FBLN2: variants seen among roughly 807,000 people sequenced by gnomAD.
FBLN2 encodes fibulin-2.
A neutral mutation model predicts 123.7 loss-of-function variants in FBLN2; 81 were observed. The observed-to-expected ratio is 0.65, with a 90% CI of 0.55 to 0.79. The LOEUF (loss-of-function observed/expected upper bound fraction) is 0.79. FBLN2 is among the 30% of genes least tolerant of loss of function. The pLI, the probability that FBLN2 is intolerant of heterozygous loss-of-function variation, is 0.00. For missense variants in FBLN2, 1,603 were observed against 1,681.3 expected, an observed-to-expected ratio of 0.95 and a Z score of 0.81; for synonymous variants, 699 against 701.4, an observed-to-expected ratio of 1.00 and a Z score of 0.05.
intron 2 of FBLN2, among the ~76,000 whole-genome samples, chr3:13,583,175 G>A (rs949121430): frequency 6.6e-6 from 1 of 152,262 alleles, no homozygotes; most frequent in African/African-American, 2.4e-5. Flanking sequence ...CTCCTCTACT[G>A]AGTCTGCATG....
chr3:13,616,542 G>A (rs996549122), intron 5 of FBLN2, among the ~76,000 whole-genome samples: 5 of 152,200 alleles, frequency 3.3e-5, no homozygotes, highest in South Asian at 2.1e-4. Context: ...TGGAGGCACC[G>A]GCTGGGACTG....
intron 2 of FBLN2, among the ~76,000 whole-genome samples, chr3:13,592,655 C>A (rs1415436055): frequency 2.0e-5 from 3 of 152,050 alleles, no homozygotes; most frequent in Non-Finnish European, 4.4e-5. Flanking sequence ...TTTTTATTTT[C>A]TTTTGGGAGT....
chr3:13,622,352 T>C (rs931867415), intron 9 of FBLN2, among the ~76,000 whole-genome samples: 2 of 152,204 alleles, frequency 1.3e-5, no homozygotes, highest in African/African-American at 4.8e-5. Flanking sequence ...AAGGAGGCTG[T>C]TGATCCTCTT....
At chr3:13,610,591 A>G in intron 4 of FBLN2, among the ~76,000 whole-genome samples, 1 of 152,104 alleles carries the variant, frequency 6.6e-6, no homozygotes, top group East Asian at 1.9e-4. Context: ...TTCGGCTTCA[A>G]GCAGTGTCTG....
In FBLN2 at chr3:13,576,390, A is replaced by G. The variant is rs566168237; in HGVS notation, c.1306+4729A>G. Among the ~76,000 whole-genome samples, 5 of 152,336 alleles carry G rather than the reference A, an allele frequency of 3.3e-5. No individual in the cohort carries two copies. In the South Asian group the frequency reaches 1.0e-3, roughly 32 times the overall value. On this transcript the variant is annotated intron_variant, in intron 2 of 17. Transcript: ENST00000404922. ...CATACTGGTTCATCTCTGCCTTCCC[A>G]GGGATGCCAGGACATGCTCAGAGCT...
intron 2 of FBLN2, among the ~76,000 whole-genome samples, chr3:13,581,361 C>T (rs1017442743): frequency 6.6e-6 from 1 of 152,010 alleles, no homozygotes; most frequent in Admixed American, 6.6e-5. Flanking sequence ...CTTTCCTGGA[C>T]GGAGGTGTTA....
At chr3:13,619,087 G>A in intron 7 of FBLN2, 70 bp downstream of exon 7, 2 of 1,167,504 alleles carry the variant, frequency 1.7e-6, no homozygotes, top group South Asian at 2.8e-5. Flanking sequence ...CTGCTTGCAG[G>A]TGGTGAGCTG....
chr3:13,633,954 A>AACACACACACACACACACACACAC (rs56947028), intron 16 of FBLN2, among the ~76,000 whole-genome samples: 5,270 of 112,736 alleles, frequency 0.047, 430 homozygotes, highest in East Asian at 0.078. Flanking sequence ...ACACACTGCA[A>AACACACACACACACACACACACAC]ACACACACAC....
At chr3:13,619,497 G>C (rs1332116639) in intron 7 of FBLN2, among the ~76,000 whole-genome samples, 1 of 152,182 alleles carries the variant, frequency 6.6e-6, no homozygotes, top group Non-Finnish European at 1.5e-5. Flanking sequence ...TCCGAGTGGT[G>C]GGGGAGGTAG....
At chr3:13,576,814 A>C (rs554532791) in intron 2 of FBLN2, among the ~76,000 whole-genome samples, 153 of 152,050 alleles carry the variant, frequency 1.0e-3, no homozygotes, top group African/African-American at 3.6e-3. Flanking sequence ...CTCTGCAGAG[A>C]ATATGAGAGG....
chr3:13,576,727 C>CG (rs974503457), intron 2 of FBLN2, among the ~76,000 whole-genome samples: 3 of 152,024 alleles, frequency 2.0e-5, no homozygotes, highest in South Asian at 2.1e-4. Flanking sequence ...GGATCCCCCC[C>CG]CCCCGGGTTC....
At chr3:13,558,215 C>T (rs567369422) in intron 1 of FBLN2, among the ~76,000 whole-genome samples, 326 of 152,292 alleles carry the variant, frequency 2.1e-3, no homozygotes, top group Admixed American at 3.8e-3. Context: ...CCCCGCCTGC[C>T]TGTCTCCATC....
At chr3:13,585,202 C>A (rs759804134) in intron 2 of FBLN2, among the ~76,000 whole-genome samples, 1 of 152,150 alleles carries the variant, frequency 6.6e-6, no homozygotes, top group Non-Finnish European at 1.5e-5. Flanking sequence ...TGCCTCACAC[C>A]CCCCACCAGC....
chr3:13,603,063 A>G (rs1224956221), intron 2 of FBLN2, among the ~76,000 whole-genome samples: 1 of 151,704 alleles, frequency 6.6e-6, no homozygotes, highest in African/African-American at 2.4e-5. Context: ...GGTGCGCGCC[A>G]CCAAGCCTGG....
intron 1 of FBLN2, among the ~76,000 whole-genome samples, chr3:13,562,670 G>T (rs1352247196): frequency 6.6e-6 from 1 of 152,198 alleles, no homozygotes; most frequent in Admixed American, 6.5e-5. Flanking sequence ...TAACCTGCTT[G>T]AGTGCACAGC....
intron 2 of FBLN2, among the ~76,000 whole-genome samples, chr3:13,582,237 C>G (rs113705110): frequency 3.9e-4 from 60 of 152,278 alleles, no homozygotes; most frequent in African/African-American, 1.4e-3. Context: ...GTTCACGCAC[C>G]CAGGCCAAGG....
chr3:13,549,498 A>G (rs1703265716), intron 1 of FBLN2, among the ~76,000 whole-genome samples: 1 of 151,384 alleles, frequency 6.6e-6, no homozygotes, highest in African/African-American at 2.4e-5. Flanking sequence ...CCAGGTCCGC[A>G]GCTTCCTCCG....
intron 9 of FBLN2, 119 bp downstream of exon 9, chr3:13,622,034 C>A: frequency 8.4e-7 from 1 of 1,184,592 alleles, no homozygotes; most frequent in Admixed American, 2.5e-5. Context: ...GCTCTCAGCA[C>A]AGCCGGCATC....
intron 2 of FBLN2, among the ~76,000 whole-genome samples, chr3:13,599,956 G>A (rs950591591): frequency 6.6e-6 from 1 of 151,396 alleles, no homozygotes; most frequent in African/African-American, 2.4e-5. Flanking sequence ...TGTTGGAGAA[G>A]AGAAGAAGCC....
Sources: gnomAD v4.1 joint callset for allele counts (sites outside exome capture counted in the v4.1 genomes callset) on GRCh38, gnomAD v4.1.1 for gene constraint, MANE v1.5 for transcripts, NCBI Gene and HGNC (gene_info 2026-07-23, HGNC 2026-07-21) for gene names.